Variants in FAAP20 observed in about 807,000 individuals in gnomAD.
The protein encoded by FAAP20 is Fanconi anemia core complex-associated protein 20.
A neutral mutation model predicts 16.2 loss-of-function variants in FAAP20; 12 were observed. That is an observed-to-expected ratio of 0.74 (90% CI 0.48 to 1.20). The LOEUF (loss-of-function observed/expected upper bound fraction) is 1.20. Among genes scored for constraint, FAAP20 ranks in the 50% most tolerant of loss-of-function variants. The pLI, the probability that FAAP20 is intolerant of heterozygous loss-of-function variation, is 0.00. For missense variants in FAAP20, 288 were observed against 245.8 expected (o/e 1.17, Z -1.15); for synonymous variants, 141 against 110.7 (o/e 1.27, Z -1.72).
At chr1:2,198,123 G>A (rs1415417186), upstream of FAAP20, 1 of 1,291,042 alleles carries the variant, frequency 7.7e-7, no homozygotes, top group Non-Finnish European at 1.0e-6. Context: ...GCCATCTGCT[G>A]CTGTGGTGAC....
At chr1:2,208,520 G>A (rs942662932), downstream of FAAP20, among the ~76,000 whole-genome samples, 5 of 152,228 alleles carry the variant, frequency 3.3e-5, no homozygotes, top group Admixed American at 3.3e-4. Context: ...CGTGCGGAAG[G>A]TGCTGGGAGG....
rs1258675907 is a variant in FAAP20, at chr1:2,191,006, C to T, written c.471-1225G>A. The T allele has an allele frequency of 7.8e-5, 12 of 154,164 alleles. No homozygotes were observed. The South Asian group carries it at 2.2e-3, about 28-fold the overall frequency. 9.5% of individuals were successfully genotyped at this position (154,164 alleles called of 1,614,324 possible). ...TCCCGGGGCTGGCTCCAGCAGCCAT[C>T]AGCTGCCTTCTCACTCTGGCAGAGC... On this transcript the variant is annotated intron_variant, in intron 3 of 3. Coordinates refer to ENST00000378546, the MANE Select transcript of FAAP20 (RefSeq NM_182533.4).
At chr1:2,190,495 G>GT (rs1688088763) in intron 3 of FAAP20, 1 of 442,728 alleles carries the variant, frequency 2.3e-6, no homozygotes, top group Admixed American at 2.4e-5. Flanking sequence ...CCGGCCTCAT[G>GT]TGGCCCCATC....
chr1:2,202,203 G>GT (rs1689077820), upstream of FAAP20, among the ~76,000 whole-genome samples: 1 of 152,188 alleles, frequency 6.6e-6, no homozygotes, highest in Non-Finnish European at 1.5e-5. Context: ...AGCACCGTGT[G>GT]GCCTTGGCCC....
At chr1:2,193,407 T>G (rs1688472599) in intron 3 of FAAP20, 2 of 647,050 alleles carry the variant, frequency 3.1e-6, no homozygotes, top group African/African-American at 1.9e-5. Flanking sequence ...TTCTGTGCTG[T>G]TCTGTGGGCC....
chr1:2,187,308 T>C (rs1376425684), downstream of FAAP20: 3 of 392,624 alleles, frequency 7.6e-6, no homozygotes, highest in Non-Finnish European at 1.5e-5. Flanking sequence ...TTTTTCTTTT[T>C]TTTTTCTTTT....
chr1:2,184,855 G>A (rs2100596052), downstream of FAAP20: 1 of 1,467,296 alleles, frequency 6.8e-7, no homozygotes, highest in Non-Finnish European at 9.4e-7. Flanking sequence ...ATGCGAACGT[G>A]ACTCCGCTTC....
chr1:2,193,684 G>A lies in FAAP20; in HGVS notation c.425C>T (p.Ala142Val), dbSNP rs200185087. Residue 142 changes from alanine (A) to valine (V), a missense_variant, in exon 3 of 4, where the codon GCG becomes GTG. Transcript: ENST00000378546. ...GCACATGGGGCAGCTGCGCAGGGCCGCGGCACCCTCCACAGACGGCTGCTG... is the reference window on the plus strand; with the variant it reads ...GCACATGGGGCAGCTGCGCAGGGCCACGGCACCCTCCACAGACGGCTGCTG... ...VEQQPSVEGA[A>V]ALRSCPMCQK... 307 of 1,599,510 alleles carry A rather than the reference G, an allele frequency of 1.9e-4. No homozygotes were observed. The highest frequency in any genetic ancestry group is 1.5e-5 in the Non-Finnish European group (18 of 1,175,768).
chr1:2,199,438 C>T (rs1688959704), upstream of FAAP20: 12 of 1,005,488 alleles, frequency 1.2e-5, no homozygotes, highest in Non-Finnish European at 1.4e-5. This position sits in a 1 kb window ranked among gnomAD's most constrained non-coding sequence, Gnocchi z 4.5. Flanking sequence ...CTCTCCACCC[C>T]ACTGCCCTGC....
downstream of FAAP20, chr1:2,185,415 TC>T (rs1224304975): frequency 1.4e-6 from 1 of 718,664 alleles, no homozygotes; most frequent in Non-Finnish European, 2.6e-6. Flanking sequence ...ATGCCTTTTT[TC>T]CGTGAGTGGC....
At chr1:2,184,547 G>T, downstream of FAAP20, 2 of 1,536,472 alleles carry the variant, frequency 1.3e-6, no homozygotes, top group South Asian at 1.1e-5. Flanking sequence ...GATGATGCCC[G>T]CGCGGAGCTG....
chr1:2,191,896 C>T lies in FAAP20; in HGVS notation c.470+1743G>A, dbSNP rs1374745746. The T allele has an allele frequency of 3.0e-6, 3 of 985,334 alleles. No individual in the cohort carries two copies. In the African/African-American group the frequency reaches 5.2e-5, roughly 17 times the overall value. The allele number at this position is 985,334 out of a possible 1,614,324, so 61.0% of individuals were successfully genotyped here. On this transcript the variant is annotated intron_variant, in intron 3 of 3. Coordinates refer to ENST00000378546, the MANE Select transcript of FAAP20 (RefSeq NM_182533.4). ...AGGTGTCTGAAAATGCACAAAATGT[C>T]CAAATAGGACCACAAGAAGATCTTA...
upstream of FAAP20, among the ~76,000 whole-genome samples, chr1:2,195,005 G>A (rs1424843264): frequency 6.6e-6 from 1 of 151,834 alleles, no homozygotes; most frequent in African/African-American, 2.4e-5. Flanking sequence ...TTTCCCGTCC[G>A]GGCAGCCCCC....
At chr1:2,190,561 C>G (rs965958337) in intron 3 of FAAP20, 1 of 381,116 alleles carries the variant, frequency 2.6e-6, no homozygotes, top group South Asian at 1.8e-5. Context: ...AGGTGTGGCC[C>G]TGGAAGCCAG....
At chr1:2,201,137 T>G, upstream of FAAP20, 1 of 1,280,020 alleles carries the variant, frequency 7.8e-7, no homozygotes, top group Non-Finnish European at 1.0e-6. Flanking sequence ...GCTCCAACCC[T>G]GCTTGGTTTG....
chr1:2,188,431 G>A (rs1687802226), downstream of FAAP20, among the ~76,000 whole-genome samples: 1 of 152,176 alleles, frequency 6.6e-6, no homozygotes, highest in Admixed American at 6.5e-5. Context: ...AACGACCACA[G>A]ACCTGGGGCT....
chr1:2,190,126 A>G (rs939172044), intron 3 of FAAP20: 1 of 522,462 alleles, frequency 1.9e-6, no homozygotes, highest in Admixed American at 2.3e-5. Flanking sequence ...TGACCCGGAG[A>G]AAAGGCAGGA....
chr1:2,205,741 C>T (rs2100755575), intron 3 of FAAP20, among the ~76,000 whole-genome samples: 1 of 152,362 alleles, frequency 6.6e-6, no homozygotes, highest in Non-Finnish European at 1.5e-5. Flanking sequence ...GCCTCAGTGG[C>T]GCGCCCGGGG....
exon 2 of FAAP20, chr1:2,206,599 C>G (rs113446506): frequency 5.3e-5 from 8 of 152,122 alleles, no homozygotes; most frequent in African/African-American, 1.4e-4. Flanking sequence ...TTTGGGAGGC[C>G]GAGGCGGGCG....
Sources: gnomAD v4.1 joint callset for allele counts (sites outside exome capture counted in the v4.1 genomes callset) on GRCh38, gnomAD v4.1.1 for gene constraint, Gnocchi (gnomAD v3.1) non-coding constraint, MANE v1.5 for transcripts, NCBI Gene and HGNC (gene_info 2026-07-23, HGNC 2026-07-21) for gene names.